The following PRR16 variants were observed in gnomAD, a reference collection of about 807,000 sequenced individuals.
PRR16 encodes the protein protein Largen.
In PRR16, 6 loss-of-function variants were observed where a neutral mutation model predicts 18.2. The observed-to-expected ratio is 0.33, with a 90% CI of 0.18 to 0.65. The LOEUF (loss-of-function observed/expected upper bound fraction) is 0.65, where lower values mean the gene tolerates loss of function less well. Ranked by LOEUF, PRR16 falls within the 30% of genes least tolerant of loss-of-function variation. The pLI is 0.74. For missense variants in PRR16, 412 were observed against 376.6 expected, an observed-to-expected ratio of 1.09 and a Z score of -0.78; for synonymous variants, 151 against 147.8, an observed-to-expected ratio of 1.02 and a Z score of -0.16.
intron 1 of PRR16, among the ~76,000 whole-genome samples, chr5:120,516,008 C>G (rs538112571): frequency 6.6e-6 from 1 of 152,184 alleles, no homozygotes; most frequent in South Asian, 2.1e-4. Flanking sequence ...TTTGTGTAAA[C>G]AATTTTCACT....
the PRR16 span, among the ~76,000 whole-genome samples, chr5:120,746,545 T>C: frequency 6.6e-6 from 1 of 152,200 alleles, no homozygotes. Context: ...AGTGTTTATC[T>C]TTTACGAATT....
chr5:120,783,073 G>A, the PRR16 span, among the ~76,000 whole-genome samples: 1 of 152,116 alleles, frequency 6.6e-6, no homozygotes, highest in Non-Finnish European at 1.5e-5. Context: ...ACTGCTCTCA[G>A]ACTCAGGAAA....
chr5:120,698,140 A>C, the PRR16 span, among the ~76,000 whole-genome samples: 8,868 of 152,038 alleles, frequency 0.058, 322 homozygotes, highest in South Asian at 0.086. Context: ...AGAATGGCCG[A>C]TGTTTCTCAG....
chr5:120,748,440 T>A, the PRR16 span, among the ~76,000 whole-genome samples: 1 of 152,234 alleles, frequency 6.6e-6, no homozygotes, highest in South Asian at 2.1e-4. Context: ...TGACATTTTA[T>A]ATGTGTGTAG....
chr5:120,773,923 ATGTG>A, the PRR16 span, among the ~76,000 whole-genome samples: 2 of 151,224 alleles, frequency 1.3e-5, no homozygotes, highest in East Asian at 1.9e-4. Context: ...AAGCATCTCT[ATGTG>A]TGGGTATTAA....
chr5:120,579,092 G>A (rs558810476), intron 1 of PRR16, among the ~76,000 whole-genome samples: 20 of 151,906 alleles, frequency 1.3e-4, no homozygotes, highest in African/African-American at 3.9e-4. Context: ...ACTTTTTGAT[G>A]GGGTGTTTAT....
intron 1 of PRR16, among the ~76,000 whole-genome samples, chr5:120,557,169 C>A (rs1209951874): frequency 6.6e-6 from 1 of 151,756 alleles, no homozygotes; most frequent in African/African-American, 2.4e-5. Context: ...CTTAAACACT[C>A]ATAAAGATTT....
the PRR16 span, among the ~76,000 whole-genome samples, chr5:120,725,299 GTTGT>G: frequency 1.0e-5 from 1 of 100,186 alleles, no homozygotes; most frequent in African/African-American, 3.6e-5. Flanking sequence ...TAAATTTGAT[GTTGT>G]TTTTTTTTTT....
chr5:120,524,065 G>C (rs1233152560), intron 1 of PRR16, among the ~76,000 whole-genome samples: 1 of 152,090 alleles, frequency 6.6e-6, no homozygotes, highest in Non-Finnish European at 1.5e-5. Flanking sequence ...CATTGTTAGA[G>C]TAATAGTATT....
chr5:120,774,907 C>T, the PRR16 span, among the ~76,000 whole-genome samples: 58 of 152,218 alleles, frequency 3.8e-4, no homozygotes, highest in African/African-American at 1.3e-3. Flanking sequence ...GTATTTATGA[C>T]TTCAAAAACC....
At chr5:120,766,288 T>C in the PRR16 span, among the ~76,000 whole-genome samples, 1 of 152,050 alleles carries the variant, frequency 6.6e-6, no homozygotes, top group Non-Finnish European at 1.5e-5. Flanking sequence ...TTGTTTTATC[T>C]ATTCTAGAGT....
At chr5:120,516,484 G>GACACACAC (rs149936115) in intron 1 of PRR16, among the ~76,000 whole-genome samples, 15,326 of 136,276 alleles carry the variant, frequency 0.11, 857 homozygotes, top group Non-Finnish European at 0.14. Flanking sequence ...AGGAGGGAAG[G>GACACACAC]ACACACACAC....
chr5:120,475,994 A>G (rs1463077981), intron 1 of PRR16, among the ~76,000 whole-genome samples: 1 of 152,132 alleles, frequency 6.6e-6, no homozygotes, highest in Non-Finnish European at 1.5e-5. Flanking sequence ...ATTCTTGCTG[A>G]GAAGAGGATT....
chr5:120,672,326 A>G (rs1364801085), intron 1 of PRR16, among the ~76,000 whole-genome samples: 1 of 149,104 alleles, frequency 6.7e-6, no homozygotes. Flanking sequence ...AGAATGCCTT[A>G]TATAAGAACC....
At chr5:120,661,880 G>A (rs563208600) in intron 1 of PRR16, among the ~76,000 whole-genome samples, 1 of 152,148 alleles carries the variant, frequency 6.6e-6, no homozygotes, top group African/African-American at 2.4e-5. Flanking sequence ...TCTGTCTGAG[G>A]AACCACTAGT....
intron 1 of PRR16, among the ~76,000 whole-genome samples, chr5:120,515,807 A>G (rs1013534101): frequency 4.6e-5 from 7 of 152,240 alleles, no homozygotes; most frequent in African/African-American, 7.2e-5. Flanking sequence ...TTATGCAAAG[A>G]TGCTGCATTA....
the PRR16 span, among the ~76,000 whole-genome samples, chr5:120,735,693 T>C: frequency 1.3e-5 from 2 of 148,210 alleles, no homozygotes; most frequent in African/African-American, 2.5e-5. Flanking sequence ...TGTTGAGTTA[T>C]AGTTCTTGAT....
the PRR16 span, among the ~76,000 whole-genome samples, chr5:120,763,725 T>C: frequency 6.6e-6 from 1 of 151,428 alleles, no homozygotes; most frequent in Non-Finnish European, 1.5e-5. Flanking sequence ...TTCTTCAATT[T>C]CTTTCATCAG....
the PRR16 span, among the ~76,000 whole-genome samples, chr5:120,791,886 C>T: frequency 4.3e-4 from 66 of 152,174 alleles, no homozygotes; most frequent in African/African-American, 1.4e-3. Context: ...ACTTAGAATA[C>T]CTTGCAATGT....
Sources: allele counts gnomAD v4.1 joint callset (sites outside exome capture counted in the v4.1 genomes callset), GRCh38; gene constraint gnomAD v4.1.1; transcripts MANE v1.5; gene names NCBI Gene and HGNC (gene_info 2026-07-23, HGNC 2026-07-21).